Variants in TIFAB observed in about 807,000 individuals in gnomAD.
TIFAB encodes the protein TIFA inhibitor, also known as TRAF-interacting protein with FHA domain-containing protein B.
For missense variants in TIFAB, 222 were observed against 203.6 expected (o/e 1.09, Z -0.55); for synonymous variants, 116 against 95.2 (o/e 1.22, Z -1.27).
At position 135,446,982 on chromosome 5, in the gene TIFAB, G is replaced by C; in HGVS notation, c.*2472C>G. 6 of 1,613,168 alleles carry C rather than the reference G, an allele frequency of 3.7e-6. No individual in the cohort carries two copies. The highest frequency in any genetic ancestry group is 1.7e-4 in the Middle Eastern group (1 of 6,060). ...TTCCCAAAGTTCTCTGGTGGAGCTGGGGAGTGGCACCCTGGGAACTCTGGG... is the reference window on the plus strand; with the variant it reads ...TTCCCAAAGTTCTCTGGTGGAGCTGCGGAGTGGCACCCTGGGAACTCTGGG... On this transcript the variant is annotated 3_prime_UTR_variant, in exon 2 of 2. Coordinates refer to ENST00000537858, the MANE Select transcript of TIFAB (RefSeq NM_001099221.2).
At chr5:135,450,552 G>C (rs1250917887) in intron 1 of TIFAB, 1 of 152,252 alleles carries the variant, frequency 6.6e-6, no homozygotes, top group African/African-American at 2.4e-5. Context: ...TAGAAACCCT[G>C]GTGAAGAGTA....
chr5:135,448,563 C>T lies in TIFAB; in HGVS notation c.*891G>A, dbSNP rs1769312428. Reference sequence around the variant, plus strand: ...TGAGTTCTTACACAAACCCCCACCCCATCCCCTCATTCCCTAAAGACCTTG... The same window carrying T: ...TGAGTTCTTACACAAACCCCCACCCTATCCCCTCATTCCCTAAAGACCTTG... On this transcript the variant is annotated 3_prime_UTR_variant, in exon 2 of 2. Transcript: ENST00000537858. 6.6e-6 allele frequency: 1 copy of T among 152,030 alleles called. No homozygotes were observed. The highest frequency in any genetic ancestry group is 2.4e-5 in the African/African-American group (1 of 41,376). 9.4% of individuals were successfully genotyped at this position (152,030 alleles called of 1,614,324 possible).
In TIFAB at chr5:135,446,447, C is replaced by T. The variant is rs549299561; in HGVS notation, c.*3007G>A. On this transcript the variant is annotated 3_prime_UTR_variant, in exon 2 of 2. Transcript: ENST00000537858. ...TGGAGGTTGTTGGGAGGAACTCACC[C>T]GCCTGCTCTGGCTGTCTGAGCAGGT... 739 of 1,613,584 alleles carry T rather than the reference C, an allele frequency of 4.6e-4. 11 individuals carry two copies. The South Asian group carries it at 7.6e-3, about 17-fold the overall frequency.
chr5:135,449,867 C>T lies in TIFAB; in HGVS notation c.73G>A (p.Val25Ile). 6.3e-7 allele frequency: 1 copy of T among 1,583,250 alleles called. No homozygotes were observed. Among genetic ancestry groups the T allele is most frequent in the East Asian group, 2.2e-5 (1 of 44,516 alleles). Residue 25 changes from valine to isoleucine, a missense_variant, in exon 2 of 2, where the codon GTC (valine) becomes ATC (isoleucine). Coordinates refer to ENST00000537858, the MANE Select transcript of TIFAB (RefSeq NM_001099221.2). ...GTATCATGCTGCAGCCGTGGTGGGACATTGGCAAAGGCAGATGGGCCCAGC... is the reference window on the plus strand; with the variant it reads ...GTATCATGCTGCAGCCGTGGTGGGATATTGGCAAAGGCAGATGGGCCCAGC... ...PTLGPSAFAN[V>I]PPRLQHDTSP...
rs1769301060 is a variant in TIFAB at position 135,447,973 on chromosome 5, AG to A, written c.*1480del. ...ATGAGGAACTGCTTTGGGGGTCCCA[AG>A]GGGTCATTCACAGCATCAGAGAGCC... On this transcript the variant is annotated 3_prime_UTR_variant, in exon 2 of 2. Transcript: ENST00000537858. 1 of 152,176 alleles carries A rather than the reference AG, an allele frequency of 6.6e-6. No homozygotes were observed. The highest frequency in any genetic ancestry group is 2.1e-4 in the South Asian group (1 of 4,822). 9.4% of individuals were successfully genotyped at this position (152,176 alleles called of 1,614,324 possible).
Position 135,449,845 on chromosome 5 carries a change from T to A in TIFAB, c.95A>T (p.Asp32Val), listed in dbSNP as rs1325281169. ...FANVPPRLQHDTSPLLLGRGQ... is the reference protein window; with the variant it reads ...FANVPPRLQHVTSPLLLGRGQ... ...CCGTCCGAGAAGCAGAGGGCTGGTA[T>A]CATGCTGCAGCCGTGGTGGGACATT... The change falls in exon 2 of 2, where the codon GAT becomes GTT. Residue 32 changes from aspartate to valine, a missense_variant. Physicochemically the swap from Asp to Val is radical, Grantham distance 152. Transcript: ENST00000537858. 1 of 1,599,606 alleles carries A rather than the reference T, an allele frequency of 6.3e-7. No homozygotes were observed. The highest frequency in any genetic ancestry group is 1.7e-5 in the Admixed American group (1 of 59,330).
chr5:135,447,463 GA>G lies in TIFAB; in HGVS notation c.*1990del. 3.5e-6 allele frequency: 1 copy of G among 288,936 alleles called. No homozygotes were observed. Among genetic ancestry groups the G allele is most frequent in the Non-Finnish European group, 6.5e-6 (1 of 154,604 alleles). The allele number at this position is 288,936 out of a possible 1,614,324, so 17.9% of individuals were successfully genotyped here. Reference sequence around the variant, plus strand: ...ATTAAGTGTGTGCTGGGCACTGATTGAATGCTTTACAGGTGTCACCTTCTAA... The same window carrying G: ...ATTAAGTGTGTGCTGGGCACTGATTGATGCTTTACAGGTGTCACCTTCTAA... On this transcript the variant is annotated 3_prime_UTR_variant, in exon 2 of 2. Transcript: ENST00000537858.
In TIFAB at chr5:135,449,965, A is replaced by T; in HGVS notation, c.-10-16T>A. On this transcript the variant is annotated splice_polypyrimidine_tract_variant and intron_variant, in intron 1 of 1. Transcript: ENST00000537858. The stretch of plus-strand genomic sequence containing the variant: ...GGAAGAAGTCCTGGGAAGTTGGAAC[A>T]TGGACACACAGGCTCAGCTTCAGTC... 6.6e-7 allele frequency: 1 copy of T among 1,514,254 alleles called. No individual in the cohort carries two copies. The highest frequency in any genetic ancestry group is 1.3e-5 in the South Asian group (1 of 74,502). 93.8% of individuals were successfully genotyped at this position (1,514,254 alleles called of 1,614,324 possible).
chr5:135,451,875 G>A (rs1769367718), intron 1 of TIFAB, among the ~76,000 whole-genome samples: 1 of 152,190 alleles, frequency 6.6e-6, no homozygotes, highest in Non-Finnish European at 1.5e-5. Context: ...GGAAACTCAA[G>A]AGTTCACTCC....
In TIFAB at chr5:135,444,879, A is replaced by C. The variant is rs954178803; in HGVS notation, c.*4575T>G. ...ACTGTTAAAGCCACCCATCCTATGA[A>C]ACTCACTCCTTTGGGTTAAGCATCA... On this transcript the variant is annotated 3_prime_UTR_variant, in exon 2 of 2. Transcript: ENST00000537858. 12 of 152,240 alleles carry C rather than the reference A, an allele frequency of 7.9e-5. No individual in the cohort carries two copies. The highest frequency in any genetic ancestry group is 2.9e-4 in the African/African-American group (12 of 41,434). 9.4% of individuals were successfully genotyped at this position (152,240 alleles called of 1,614,324 possible).
At position 135,447,074 on chromosome 5, in the gene TIFAB, G is replaced by C; in HGVS notation, c.*2380C>G. The C allele has an allele frequency of 6.2e-7, 1 of 1,614,020 alleles. No homozygotes were observed. Among genetic ancestry groups the C allele is most frequent in the Non-Finnish European group, 8.5e-7 (1 of 1,179,892 alleles). Reference sequence around the variant, plus strand: ...TACAGTCTCCAGGCCGTGGCTTCTCGAGTTCTGTATGTGGGTTGCTGCTCC... The same window carrying C: ...TACAGTCTCCAGGCCGTGGCTTCTCCAGTTCTGTATGTGGGTTGCTGCTCC... On this transcript the variant is annotated 3_prime_UTR_variant, in exon 2 of 2. Transcript: ENST00000537858.
In TIFAB at chr5:135,449,002, C is replaced by A; in HGVS notation, c.*452G>T. The A allele has an allele frequency of 5.7e-6, 1 of 176,256 alleles. No homozygotes were observed. Among genetic ancestry groups the A allele is most frequent in the Non-Finnish European group, 1.2e-5 (1 of 80,454 alleles). 10.9% of individuals were successfully genotyped at this position (176,256 alleles called of 1,614,324 possible). ...ATGTGTCCACGCATTCCTGGTGCAACCTCAAACTCCTGCTCTTAAGCAGCA... is the reference window on the plus strand; with the variant it reads ...ATGTGTCCACGCATTCCTGGTGCAAACTCAAACTCCTGCTCTTAAGCAGCA... On this transcript the variant is annotated 3_prime_UTR_variant, in exon 2 of 2. Transcript: ENST00000537858.
rs541909018 is a variant in TIFAB, at chr5:135,447,985, C to G, written c.*1469G>C. On this transcript the variant is annotated 3_prime_UTR_variant, in exon 2 of 2. Transcript: ENST00000537858. The stretch of plus-strand genomic sequence containing the variant: ...TTTGGGGGTCCCAAGGGGTCATTCA[C>G]AGCATCAGAGAGCCCCTTCCTAGCA... 2 of 152,346 alleles carry G rather than the reference C, an allele frequency of 1.3e-5. No homozygotes were observed. The highest frequency in any genetic ancestry group is 4.2e-4 in the South Asian group (2 of 4,818). 9.4% of individuals were successfully genotyped at this position (152,346 alleles called of 1,614,324 possible).
chr5:135,449,487 G>A lies in TIFAB; in HGVS notation c.453C>T (p.Ile151=). 1 of 1,614,158 alleles carries A rather than the reference G, an allele frequency of 6.2e-7. No individual in the cohort carries two copies. The highest frequency in any genetic ancestry group is 1.1e-5 in the South Asian group (1 of 91,086). Residue 151 remains isoleucine (I), a synonymous_variant, in exon 2 of 2, where the codon ATC becomes ATT. Transcript: ENST00000537858. ...EAEETDEWEG[I]SQGQPPPGSG is the part of the protein sequence containing the mutation. Reference sequence around the variant, plus strand: ...AACCAGGGGGAGGCTGCCCCTGGGAGATGCCTTCCCATTCGTCAGTTTCCT... The same window carrying A: ...AACCAGGGGGAGGCTGCCCCTGGGAAATGCCTTCCCATTCGTCAGTTTCCT...
rs1769317908 is a variant in TIFAB at position 135,448,881 on chromosome 5, T to TG, written c.*572dup. 1 of 156,210 alleles carries TG rather than the reference T, an allele frequency of 6.4e-6. No homozygotes were observed. Among genetic ancestry groups the TG allele is most frequent in the African/African-American group, 2.4e-5 (1 of 41,458 alleles). The allele number at this position is 156,210 out of a possible 1,614,324, so 9.7% of individuals were successfully genotyped here. A position where few individuals can be genotyped will look rare whatever the true frequency, so the allele number is the denominator to read the frequency against. On this transcript the variant is annotated 3_prime_UTR_variant, in exon 2 of 2. Transcript: ENST00000537858. ...GGGTATGCCAGCTTAATGAAATACTTGCAGTTTATTACACTCAGGCTTTCC... is the reference window on the plus strand; with the variant it reads ...GGGTATGCCAGCTTAATGAAATACTTGGCAGTTTATTACACTCAGGCTTTCC...
At chr5:135,451,227 T>A (rs150594415) in intron 1 of TIFAB, among the ~76,000 whole-genome samples, 1 of 152,306 alleles carries the variant, frequency 6.6e-6, no homozygotes, top group Non-Finnish European at 1.5e-5. Context: ...ACAAATGGGA[T>A]CATGTCTCAA....
intron 1 of TIFAB, among the ~76,000 whole-genome samples, chr5:135,451,579 G>A (rs1455688698): frequency 6.6e-6 from 1 of 151,776 alleles, no homozygotes; most frequent in East Asian, 1.9e-4. Flanking sequence ...CGTCTTCCAG[G>A]TTCAAGGGAT....
At position 135,445,173 on chromosome 5, in the gene TIFAB, G is replaced by A. The variant is rs1375475293; in HGVS notation, c.*4281C>T. 1 of 152,124 alleles carries A rather than the reference G, an allele frequency of 6.6e-6. No individual in the cohort carries two copies. The highest frequency in any genetic ancestry group is 2.4e-5 in the African/African-American group (1 of 41,400). The allele number at this position is 152,124 out of a possible 1,614,324, so 9.4% of individuals were successfully genotyped here. On this transcript the variant is annotated 3_prime_UTR_variant, in exon 2 of 2. Coordinates refer to ENST00000537858, the MANE Select transcript of TIFAB (RefSeq NM_001099221.2). ...GCCTCTGCAGGGGACAGGAAGTGCT[G>A]ACTGAGAACTGTCTCTCTGTGACAT...
chr5:135,452,147 T>A (rs6870814), intron 1 of TIFAB, 62 bp downstream of exon 1: 29,192 of 152,082 alleles, frequency 0.19, 3,185 homozygotes, highest in East Asian at 0.34. Context: ...GGAGCCCTCC[T>A]CCCAGCCCCA....
Sources: gnomAD v4.1 joint callset for allele counts (sites outside exome capture counted in the v4.1 genomes callset) on GRCh38, gnomAD v4.1.1 for gene constraint, MANE v1.5 for transcripts, NCBI Gene and HGNC (gene_info 2026-07-23, HGNC 2026-07-21) for gene names.